TLL2: variants seen among roughly 807,000 people sequenced by gnomAD.
TLL2 encodes tolloid-like protein 2.
In TLL2, 106 loss-of-function variants were observed where a neutral mutation model predicts 123.0. The ratio of observed to expected loss-of-function variants is 0.86; its 90% CI spans 0.74 to 1.01. The LOEUF is 1.01. TLL2 is among the 50% of genes least tolerant of loss of function. TLL2 has a pLI of 0.00. For missense variants in TLL2, 1,332 were observed against 1,336.7 expected (o/e 1.00, Z 0.06); for synonymous variants, 494 against 516.8 (o/e 0.96, Z 0.60).
rs950041872 is a variant in TLL2 at position 96,446,246 on chromosome 10, C to T, written c.287-78G>A. ...CAGCACCAAGGGATGAGGGAGCAAA[C>T]CTGGTCACCTGGGGAGGATCAGAAT... On this transcript the variant is annotated intron_variant, in intron 2 of 20. Transcript: ENST00000357947. The T allele has an allele frequency of 1.4e-5, 19 of 1,348,632 alleles. 1 individual carries two copies. Among genetic ancestry groups the T allele is most frequent in the Non-Finnish European group, 1.1e-6 (1 of 945,170 alleles). The allele number at this position is 1,348,632 out of a possible 1,614,324, so 83.5% of individuals were successfully genotyped here.
chr10:96,455,375 G>A (rs972195157), intron 2 of TLL2, among the ~76,000 whole-genome samples: 13 of 152,298 alleles, frequency 8.5e-5, no homozygotes, highest in African/African-American at 3.1e-4. Flanking sequence ...TGTCAGAGGC[G>A]TTTGAATCAG....
At position 96,384,719 on chromosome 10, in the gene TLL2, C is replaced by A. The variant is rs769607312; in HGVS notation, c.2062G>T (p.Ala688Ser). The change falls in exon 16 of 21, where the codon GCC becomes TCC. Residue 688 changes from alanine (A) to serine (S), a missense_variant. Transcript: ENST00000357947. ...VEVRSGLSPD[A>S]KLHGRFCGSE... is the part of the protein sequence containing the mutation. The stretch of plus-strand genomic sequence containing the variant: ...CCGCAGAACCTGCCGTGCAGCTTGG[C>A]GTCGGGGGACAGGCCGCTGCGCACC... The A allele has an allele frequency of 6.8e-6, 11 of 1,610,578 alleles. No homozygotes were observed. The highest frequency in any genetic ancestry group is 9.3e-6 in the Non-Finnish European group (11 of 1,177,936).
intron 2 of TLL2, among the ~76,000 whole-genome samples, chr10:96,461,632 C>T (rs983548552): frequency 6.6e-6 from 1 of 152,244 alleles, no homozygotes; most frequent in South Asian, 2.1e-4. Flanking sequence ...CTGCCTTCCA[C>T]CTGCAATGAC....
rs1304226175 is a variant in TLL2 at position 96,365,948 on chromosome 10, T to C, written c.*2140A>G. 1.3e-5 allele frequency: 2 copies of C among 152,270 alleles called. No individual in the cohort carries two copies. Among genetic ancestry groups the C allele is most frequent in the Non-Finnish European group, 2.9e-5 (2 of 68,052 alleles). 9.4% of individuals were successfully genotyped at this position (152,270 alleles called of 1,614,324 possible). On this transcript the variant is annotated 3_prime_UTR_variant, in exon 21 of 21. Transcript: ENST00000357947. ...AAAAAGAAGTATCATTGTTTCACCGTCCTGCTGAGCAGCACCAACTCTGTT... is the reference window on the plus strand; with the variant it reads ...AAAAAGAAGTATCATTGTTTCACCGCCCTGCTGAGCAGCACCAACTCTGTT...
At chr10:96,468,208 C>T (rs529153856) in intron 2 of TLL2, among the ~76,000 whole-genome samples, 33 of 152,246 alleles carry the variant, frequency 2.2e-4, no homozygotes, top group Non-Finnish European at 3.2e-4. Context: ...CTCCCCAGCA[C>T]GCCTTGTCAG....
rs768528704 is a variant in TLL2, at chr10:96,420,941, A to G, written c.923+15T>C. On this transcript the variant is annotated intron_variant, in intron 7 of 20. Transcript: ENST00000357947. ...CACAGTAAAACACAGACGAGGCATA[A>G]GCATAGATTCCGACCTTGAGAAGGT... The G allele has an allele frequency of 3.1e-6, 5 of 1,612,380 alleles. No homozygotes were observed. In the Admixed American group the frequency reaches 5.0e-5, roughly 16 times the overall value.
At chr10:96,466,607 G>A (rs1331415617) in intron 2 of TLL2, among the ~76,000 whole-genome samples, 1 of 152,114 alleles carries the variant, frequency 6.6e-6, no homozygotes. Flanking sequence ...CCTCTCTCCA[G>A]CCCACTGCTG....
intron 13 of TLL2, among the ~76,000 whole-genome samples, chr10:96,389,627 A>G (rs1175472094): frequency 6.6e-6 from 1 of 152,164 alleles, no homozygotes; most frequent in Non-Finnish European, 1.5e-5. Context: ...CCATTGGGAG[A>G]GACAGATAGA....
At chr10:96,385,405 C>T (rs958808904) in intron 15 of TLL2, among the ~76,000 whole-genome samples, 5 of 152,174 alleles carry the variant, frequency 3.3e-5, no homozygotes, top group East Asian at 1.9e-4. Context: ...CCCTCATGGG[C>T]GCCATGGCCT....
At chr10:96,499,296 A>G (rs1225903345) in intron 1 of TLL2, among the ~76,000 whole-genome samples, 1 of 152,152 alleles carries the variant, frequency 6.6e-6, no homozygotes, top group Non-Finnish European at 1.5e-5. Flanking sequence ...AGTGGGCCAT[A>G]GCCACTCTCT....
Position 96,395,291 on chromosome 10 carries a change from T to C in TLL2, c.1622A>G (p.Tyr541Cys), listed in dbSNP as rs143567200. The C allele has an allele frequency of 4.9e-5, 79 of 1,614,110 alleles. 2 individuals are homozygous for C. Among genetic ancestry groups the C allele is most frequent in the African/African-American group, 4.7e-4 (35 of 75,078 alleles). Residue 541 changes from tyrosine to cysteine, a missense_variant, in exon 13 of 21, where the codon TAT becomes TGT. Coordinates refer to ENST00000357947, the MANE Select transcript of TLL2 (RefSeq NM_012465.4). The stretch of plus-strand genomic sequence containing the variant: ...CGATTTCACATCCTCCGGCTTCTCA[T>C]AGCCACAAAAGTGGCCGATCAGGGC... ...ESALIGHFCGYEKPEDVKSSS... is the reference protein window; with the variant it reads ...ESALIGHFCGCEKPEDVKSSS...
At chr10:96,402,160 G>A (rs1374985362) in intron 10 of TLL2, among the ~76,000 whole-genome samples, 2 of 152,160 alleles carry the variant, frequency 1.3e-5, no homozygotes, top group Non-Finnish European at 2.9e-5. Context: ...TTTCATTATA[G>A]AATGATACCT....
At chr10:96,396,051 G>C in intron 11 of TLL2, 31 bp from the exon 12 acceptor site, 2 of 1,611,616 alleles carry the variant, frequency 1.2e-6, no homozygotes, top group Middle Eastern at 1.7e-4. Flanking sequence ...AGAGGAAGAC[G>C]GGGGCCCTGG....
chr10:96,503,575 A>G (rs1258428657), intron 1 of TLL2, among the ~76,000 whole-genome samples: 1 of 152,224 alleles, frequency 6.6e-6, no homozygotes, highest in Admixed American at 6.5e-5. Flanking sequence ...TCCTTGGGAA[A>G]GATTGGCCAT....
intron 2 of TLL2, among the ~76,000 whole-genome samples, chr10:96,446,828 A>G (rs1846901044): frequency 1.3e-5 from 2 of 152,202 alleles, no homozygotes; most frequent in African/African-American, 2.4e-5. Flanking sequence ...CAATCACCAA[A>G]TATCTGTTTG....
chr10:96,369,746 C>CG (rs1846060524), intron 20 of TLL2, among the ~76,000 whole-genome samples: 1 of 131,794 alleles, frequency 7.6e-6, no homozygotes, highest in Non-Finnish European at 1.6e-5. Flanking sequence ...GACTCCGTCT[C>CG]GGGGGAAAAA....
chr10:96,393,279 G>T (rs927993087), intron 13 of TLL2, among the ~76,000 whole-genome samples: 6 of 152,202 alleles, frequency 3.9e-5, no homozygotes, highest in African/African-American at 1.4e-4. Flanking sequence ...TAGGAAACCA[G>T]TCCATCACAA....
Position 96,502,248 on chromosome 10 carries a change from C to T in TLL2, c.175+11263G>A, listed in dbSNP as rs577385690. Among the ~76,000 whole-genome samples the T allele has an allele frequency of 6.6e-5, 10 of 152,248 alleles. No homozygotes were observed. The South Asian group carries it at 1.7e-3, about 25-fold the overall frequency. ...GGGACAAGCAATGACCAGAGCACCC[C>T]GGGGCCTGCTGATTGCTCTTATCCC... is the stretch of plus-strand genomic sequence containing the variant. On this transcript the variant is annotated intron_variant, in intron 1 of 20. Transcript: ENST00000357947.
intron 5 of TLL2, among the ~76,000 whole-genome samples, chr10:96,426,818 A>G (rs1014866224): frequency 6.6e-6 from 1 of 152,138 alleles, no homozygotes; most frequent in African/African-American, 2.4e-5. Flanking sequence ...TGTTTATTCA[A>G]ATAATTTACT....
Sources: gnomAD v4.1 joint callset for allele counts (sites outside exome capture counted in the v4.1 genomes callset) on GRCh38, gnomAD v4.1.1 for gene constraint, MANE v1.5 for transcripts, NCBI Gene and HGNC (gene_info 2026-07-23, HGNC 2026-07-21) for gene names.